RREB1: variants seen among roughly 807,000 people sequenced by gnomAD.
RREB1 encodes ras responsive element binding protein 1.
In RREB1, 27 loss-of-function variants were observed where a neutral mutation model predicts 117.8. The observed-to-expected ratio is 0.23, with a 90% CI of 0.17 to 0.32. The LOEUF (loss-of-function observed/expected upper bound fraction) is 0.32, where lower values mean the gene tolerates loss of function less well. RREB1 is among the 10% of genes least tolerant of loss of function. The probability of loss-of-function intolerance (pLI) is 1.00; values close to 1 mark genes in which losing one functional copy is unlikely to be tolerated. For missense variants in RREB1, 2,577 were observed against 2,378.2 expected (o/e 1.08, Z -1.74); for synonymous variants, 1,298 against 1,026.7 (o/e 1.26, Z -5.05).
At chr6:7,111,906 T>C (rs1761165071) in intron 1 of RREB1, among the ~76,000 whole-genome samples, 1 of 152,216 alleles carries the variant, frequency 6.6e-6, no homozygotes, top group African/African-American at 2.4e-5. Flanking sequence ...TCCATAAAGT[T>C]ATGTCTTTTA....
chr6:7,196,397 T>A (rs1765680142), intron 6 of RREB1, among the ~76,000 whole-genome samples: 1 of 152,204 alleles, frequency 6.6e-6, no homozygotes, highest in East Asian at 1.9e-4. Flanking sequence ...GTTAGTTATC[T>A]GTATTTGTAA....
intron 1 of RREB1, among the ~76,000 whole-genome samples, chr6:7,111,938 A>G (rs993192524): frequency 1.3e-5 from 2 of 152,220 alleles, no homozygotes; most frequent in Non-Finnish European, 2.9e-5. Flanking sequence ...ACAGATTTGT[A>G]TTCAAAGATA....
At chr6:7,188,986 G>A (rs1765252782) in intron 5 of RREB1, among the ~76,000 whole-genome samples, 173 bp from the exon 6 acceptor site, 1 of 152,180 alleles carries the variant, frequency 6.6e-6, no homozygotes, top group Non-Finnish European at 1.5e-5. Flanking sequence ...ATATTTATTT[G>A]CCTGTTTTCC....
At position 7,249,101 on chromosome 6, in the gene RREB1, G is replaced by GAGAGACAGACAGACAGACAGACAGAC; in HGVS notation, c.*136_*137insGACAGACAGACAGACAGACAGACAGA. ...AGAGAGAGAGAGAGAGAGAGAGAGA[G>GAGAGACAGACAGACAGACAGACAGAC]AGACAAGCAGGAGCGTGGCTGCTCG... On this transcript the variant is annotated 3_prime_UTR_variant, in exon 13 of 13. Transcript: ENST00000379938. 1 of 592,044 alleles carries GAGAGACAGACAGACAGACAGACAGAC rather than the reference G, an allele frequency of 1.7e-6. No homozygotes were observed. Among genetic ancestry groups the GAGAGACAGACAGACAGACAGACAGAC allele is most frequent in the Non-Finnish European group, 2.8e-6 (1 of 358,970 alleles). 36.7% of individuals were successfully genotyped at this position (592,044 alleles called of 1,614,324 possible). A position where few individuals can be genotyped will look rare whatever the true frequency, so the allele number is the denominator to read the frequency against.
intron 1 of RREB1, among the ~76,000 whole-genome samples, chr6:7,168,235 A>T (rs1429444983): frequency 7.0e-6 from 1 of 142,460 alleles, no homozygotes; most frequent in Admixed American, 7.0e-5. Context: ...AGCCTGGGTG[A>T]CAGAGTGAGA....
At chr6:7,193,927 T>G (rs190950098) in intron 6 of RREB1, among the ~76,000 whole-genome samples, 1 of 151,774 alleles carries the variant, frequency 6.6e-6, no homozygotes, top group East Asian at 1.9e-4. Context: ...ATAATTGATG[T>G]AGCTTTTGTG....
At chr6:7,119,833 G>T (rs1397024226) in intron 1 of RREB1, among the ~76,000 whole-genome samples, 1 of 152,120 alleles carries the variant, frequency 6.6e-6, no homozygotes, top group Admixed American at 6.5e-5. Flanking sequence ...AAGAATGTCA[G>T]TTAGAACGCT....
In RREB1 at chr6:7,231,737, C is replaced by T; in HGVS notation, c.3638C>T (p.Ala1213Val). Residue 1213 changes from alanine (A) to valine (V), a missense_variant, in exon 10 of 13, where the codon GCC (alanine) becomes GTC (valine). By Grantham distance (64) the Ala-to-Val change is moderately conservative. Transcript: ENST00000379938. ...CAGGATGAGGTGGCCGGAGCCCCTG[C>T]CGACCACCATGGGCCCAGTGATGAA... Reference protein sequence around the residue: ...NTQDEVAGAPADHHGPSDEEQ... With the variant: ...NTQDEVAGAPVDHHGPSDEEQ... 6.2e-7 allele frequency: 1 copy of T among 1,613,804 alleles called. No homozygotes were observed. Among genetic ancestry groups the T allele is most frequent in the Non-Finnish European group, 8.5e-7 (1 of 1,179,972 alleles).
chr6:7,184,307 G>C (rs551049334), intron 4 of RREB1, among the ~76,000 whole-genome samples: 20 of 150,466 alleles, frequency 1.3e-4, no homozygotes, highest in African/African-American at 4.9e-4. Flanking sequence ...TTAAAATAGA[G>C]ACAGGGTCTC....
At chr6:7,189,422 C>A in intron 6 of RREB1, 100 bp downstream of exon 6, 1 of 1,137,160 alleles carries the variant, frequency 8.8e-7, no homozygotes, top group African/African-American at 1.6e-5. Flanking sequence ...CCTAAAGGTA[C>A]AGAGAGTTCT....
chr6:7,116,692 AAGG>A, intron 1 of RREB1, among the ~76,000 whole-genome samples: 1 of 152,254 alleles, frequency 6.6e-6, no homozygotes, highest in African/African-American at 2.4e-5. Flanking sequence ...CATCATGCAG[AAGG>A]TGGTGCTAGG....
intron 1 of RREB1, among the ~76,000 whole-genome samples, chr6:7,117,304 A>G (rs1024643438): frequency 2.7e-5 from 4 of 148,694 alleles, no homozygotes; most frequent in East Asian, 2.1e-4. Context: ...AGAGGTAGAT[A>G]TGTCTTCAGA....
At chr6:7,200,244 A>ATGTGTGTGTGTGTGTG (rs70978945) in intron 6 of RREB1, among the ~76,000 whole-genome samples, 68 of 129,374 alleles carry the variant, frequency 5.3e-4, no homozygotes, top group East Asian at 8.8e-4. Context: ...ATGTGTGTAT[A>ATGTGTGTGTGTGTGTG]TGTGTGTGTG....
intron 1 of RREB1, among the ~76,000 whole-genome samples, chr6:7,168,023 G>T (rs557155277): frequency 6.6e-6 from 1 of 152,132 alleles, no homozygotes; most frequent in East Asian, 1.9e-4. Flanking sequence ...CACTTTGTGA[G>T]GCCGAGGTGG....
chr6:7,120,221 C>T lies in RREB1; in HGVS notation c.-285+12161C>T, dbSNP rs570839340. 2.4e-4 allele frequency among the ~76,000 whole-genome samples: 37 copies of T among 151,978 alleles called. No homozygotes were observed. The South Asian group carries it at 7.1e-3, about 29-fold the overall frequency. The stretch of plus-strand genomic sequence containing the variant: ...ATCCCAGCAGTTTGGGAGGCCGAGC[C>T]GTGCAGATCCCTTGAGGTCGGGAGT... On this transcript the variant is annotated intron_variant, in intron 1 of 12. Transcript: ENST00000379938.
chr6:7,169,835 GT>G (rs1229717120), intron 1 of RREB1, among the ~76,000 whole-genome samples: 1 of 152,174 alleles, frequency 6.6e-6, no homozygotes, highest in East Asian at 1.9e-4. Context: ...ATCTGGCATT[GT>G]CCAGAAAATC....
At chr6:7,196,945 T>C (rs1458253620) in intron 6 of RREB1, among the ~76,000 whole-genome samples, 1 of 152,224 alleles carries the variant, frequency 6.6e-6, no homozygotes, top group Non-Finnish European at 1.5e-5. Context: ...TGGATCCAGC[T>C]TTTAACTTCC....
rs1163811223 is a variant in RREB1, at chr6:7,200,282, A to ATTT, written c.426-10511_426-10509dup. On this transcript the variant is annotated intron_variant, in intron 6 of 12. Transcript: ENST00000379938. ...TGTGTGTGTGTGTGTGTGTGTGTGT[A>ATTT]TTTTTTTTTTTTTCTTTTTTGAGAT... is the stretch of plus-strand genomic sequence containing the variant. Among the ~76,000 whole-genome samples the ATTT allele has an allele frequency of 3.5e-4, 34 of 97,752 alleles. 1 individual carries two copies. The highest frequency in any genetic ancestry group is 6.6e-4 in the African/African-American group (20 of 30,380). The allele number at this position is 97,752 out of a possible 152,430, so 64.1% of individuals were successfully genotyped here.
At position 7,187,537 on chromosome 6, in the gene RREB1, GTTC is replaced by G; in HGVS notation, c.261+17_261+19del. 1 of 1,084,394 alleles carries G rather than the reference GTTC, an allele frequency of 9.2e-7. No individual in the cohort carries two copies. Among genetic ancestry groups the G allele is most frequent in the Non-Finnish European group, 1.3e-6 (1 of 798,546 alleles). The allele number at this position is 1,084,394 out of a possible 1,614,324, so 67.2% of individuals were successfully genotyped here. A position where few individuals can be genotyped will look rare whatever the true frequency, so the allele number is the denominator to read the frequency against. On this transcript the variant is annotated intron_variant, in intron 5 of 12. Transcript: ENST00000379938. ...CACATTCGCCAGGTAGATTCCCACT[GTTC>G]TTTTATTTTATTTTATTTTATTTTA...
Sources: gnomAD v4.1 joint callset for allele counts (sites outside exome capture counted in the v4.1 genomes callset) on GRCh38, gnomAD v4.1.1 for gene constraint, MANE v1.5 for transcripts, NCBI Gene and HGNC (gene_info 2026-07-23, HGNC 2026-07-21) for gene names.